ZCCHC7: variants seen among roughly 807,000 people sequenced by gnomAD.
The protein encoded by ZCCHC7 is zinc finger CCHC-type containing 7, also known as zinc finger CCHC domain-containing protein 7.
ZCCHC7 carries 35 observed loss-of-function variants against 52.0 expected under a neutral mutation model. The ratio of observed to expected loss-of-function variants is 0.67; its 90% CI spans 0.51 to 0.89. ZCCHC7 has a LOEUF of 0.89. Ranked by LOEUF, ZCCHC7 falls within the 40% of genes least tolerant of loss-of-function variation. ZCCHC7 has a pLI of 0.00. For missense variants in ZCCHC7, 574 were observed against 649.1 expected (o/e 0.88, Z 1.26); for synonymous variants, 217 against 221.5 (o/e 0.98, Z 0.18).
intron 5 of ZCCHC7, among the ~76,000 whole-genome samples, chr9:37,312,541 G>A (rs908283261): frequency 1.3e-5 from 2 of 152,220 alleles, no homozygotes; most frequent in Admixed American, 1.3e-4. Flanking sequence ...AATGTAGAAA[G>A]TGTGACGTAG....
intron 2 of ZCCHC7, among the ~76,000 whole-genome samples, chr9:37,138,416 CTGTA>C (rs1193894907): frequency 1.3e-5 from 2 of 152,128 alleles, no homozygotes; most frequent in Non-Finnish European, 2.9e-5. Context: ...TGTGATTTCA[CTGTA>C]GATCAGCAAC....
At chr9:37,139,165 A>G (rs1843117832) in intron 2 of ZCCHC7, among the ~76,000 whole-genome samples, 2 of 152,018 alleles carry the variant, frequency 1.3e-5, no homozygotes, top group South Asian at 4.1e-4. Context: ...TATGGACTTC[A>G]TGGAAGTTTT....
At chr9:37,272,050 CAT>C (rs1483660135) in intron 2 of ZCCHC7, among the ~76,000 whole-genome samples, 1 of 152,082 alleles carries the variant, frequency 6.6e-6, no homozygotes, top group Non-Finnish European at 1.5e-5. Flanking sequence ...TTTCAACTTT[CAT>C]ATGTTTGAAG....
At chr9:37,282,604 C>CA (rs60743608) in intron 2 of ZCCHC7, among the ~76,000 whole-genome samples, 1,489 of 51,236 alleles carry the variant, frequency 0.029, 47 homozygotes, top group African/African-American at 0.07. Context: ...GACTCTGTCT[C>CA]AAAAAAAAAA....
At chr9:37,130,592 A>G (rs1212242981) in intron 2 of ZCCHC7, among the ~76,000 whole-genome samples, 7 of 149,656 alleles carry the variant, frequency 4.7e-5, no homozygotes, top group Admixed American at 4.0e-4. Context: ...TCCCGGGTTC[A>G]CGCCATTCTC....
At chr9:37,316,586 A>G (rs1564249943) in intron 5 of ZCCHC7, among the ~76,000 whole-genome samples, 1 of 151,846 alleles carries the variant, frequency 6.6e-6, no homozygotes, top group Non-Finnish European at 1.5e-5. Flanking sequence ...CAGCGTCCCA[A>G]AGTGCTGGGA....
intron 4 of ZCCHC7, 143 bp from the exon 5 acceptor site, chr9:37,305,401 G>A: frequency 2.9e-6 from 3 of 1,023,864 alleles, no homozygotes; most frequent in Non-Finnish European, 4.2e-6. Context: ...CATTTTGTTT[G>A]ATTTTTACAG....
At chr9:37,289,486 T>C (rs752502604) in intron 2 of ZCCHC7, among the ~76,000 whole-genome samples, 10 of 152,292 alleles carry the variant, frequency 6.6e-5, no homozygotes, top group Non-Finnish European at 1.2e-4. Flanking sequence ...ACAAATCTTA[T>C]TAGCTTTACC....
intron 1 of ZCCHC7, 88 bp from the exon 2 acceptor site, chr9:37,126,224 A>T (rs1351421884): frequency 8.2e-7 from 1 of 1,219,870 alleles, no homozygotes; most frequent in African/African-American, 1.5e-5. Flanking sequence ...TCATATTAGC[A>T]GTTGTCACTG....
intron 5 of ZCCHC7, among the ~76,000 whole-genome samples, chr9:37,315,711 C>T (rs1829787320): frequency 6.6e-6 from 1 of 150,608 alleles, no homozygotes; most frequent in South Asian, 2.1e-4. Context: ...ATATTTTAGA[C>T]AGGAACCAGT....
intron 6 of ZCCHC7, among the ~76,000 whole-genome samples, chr9:37,342,697 A>G (rs79953825): frequency 0.051 from 7,816 of 152,254 alleles, 651 homozygotes; most frequent in African/African-American, 0.18. Context: ...GGTTTTACTG[A>G]TAGGTTGTTA....
chr9:37,161,444 A>G (rs980957641), intron 2 of ZCCHC7, among the ~76,000 whole-genome samples: 1 of 151,992 alleles, frequency 6.6e-6, no homozygotes, highest in Non-Finnish European at 1.5e-5. Context: ...ACATGGTGGC[A>G]GCCTCCTGTA....
At chr9:37,304,593 C>T (rs947480124) in intron 4 of ZCCHC7, among the ~76,000 whole-genome samples, 3 of 151,356 alleles carry the variant, frequency 2.0e-5, no homozygotes, top group African/African-American at 7.3e-5. Flanking sequence ...GGAGATGGAG[C>T]TTGCGGTAAC....
intron 7 of ZCCHC7, among the ~76,000 whole-genome samples, chr9:37,353,838 AG>A (rs1821537830): frequency 6.6e-6 from 1 of 152,206 alleles, no homozygotes; most frequent in Non-Finnish European, 1.5e-5. Flanking sequence ...TACTTAGCTA[AG>A]AAACAACATT....
Position 37,357,402 on chromosome 9 carries a change from C to T in ZCCHC7, c.*134C>T. On this transcript the variant is annotated 3_prime_UTR_variant, in exon 9 of 9. Transcript: ENST00000336755. Reference sequence around the variant, plus strand: ...TTTTGTTTTTTTAATTTCAGCCATTCCTAGAGTTACTGAATATCCATGGAG... The same window carrying T: ...TTTTGTTTTTTTAATTTCAGCCATTTCTAGAGTTACTGAATATCCATGGAG... The T allele has an allele frequency of 5.2e-6, 4 of 764,832 alleles. No homozygotes were observed. Among genetic ancestry groups the T allele is most frequent in the Non-Finnish European group, 7.9e-6 (4 of 508,514 alleles). The allele number at this position is 764,832 out of a possible 1,614,324, so 47.4% of individuals were successfully genotyped here. A position where few individuals can be genotyped will look rare whatever the true frequency, so the allele number is the denominator to read the frequency against.
intron 2 of ZCCHC7, among the ~76,000 whole-genome samples, chr9:37,252,712 C>T (rs778991116): frequency 1.9e-4 from 29 of 152,144 alleles, no homozygotes; most frequent in African/African-American, 6.8e-4. Context: ...GTCACCCTTA[C>T]GTCAGTCAGA....
chr9:37,259,797 T>G (rs1360927881), intron 2 of ZCCHC7, among the ~76,000 whole-genome samples: 1 of 152,208 alleles, frequency 6.6e-6, no homozygotes, highest in Non-Finnish European at 1.5e-5. Context: ...ATGACTTGTA[T>G]ATAATTCAGA....
intron 2 of ZCCHC7, among the ~76,000 whole-genome samples, chr9:37,217,712 A>G (rs941782375): frequency 6.6e-6 from 1 of 152,196 alleles, no homozygotes; most frequent in Non-Finnish European, 1.5e-5. Flanking sequence ...AATTTCCAAC[A>G]GTATCTTGTA....
intron 5 of ZCCHC7, among the ~76,000 whole-genome samples, chr9:37,318,484 A>G (rs979049943): frequency 6.6e-6 from 1 of 151,614 alleles, no homozygotes; most frequent in African/African-American, 2.4e-5. Flanking sequence ...TATTTTATAT[A>G]TATAAATGAT....
Sources: allele counts gnomAD v4.1 joint callset (sites outside exome capture counted in the v4.1 genomes callset), GRCh38; gene constraint gnomAD v4.1.1; transcripts MANE v1.5; gene names NCBI Gene and HGNC (gene_info 2026-07-23, HGNC 2026-07-21).